The following BTBD8 variants were observed in gnomAD, a reference collection of about 807,000 sequenced individuals.
The protein encoded by BTBD8 is BTB/POZ domain-containing protein 8.
Under a neutral mutation model 162.9 loss-of-function variants are expected in BTBD8, and 110 were observed. That is an observed-to-expected ratio of 0.68 (90% CI 0.58 to 0.79). BTBD8 has a LOEUF of 0.79. Among genes scored for constraint, BTBD8 ranks in the 30% least tolerant of loss-of-function variants. The pLI, the probability that BTBD8 is intolerant of heterozygous loss-of-function variation, is 0.00. For synonymous variants in BTBD8, 667 were observed against 716.1 expected, an observed-to-expected ratio of 0.93 and a Z score of 1.10; for missense variants, 1,905 against 2,085.4, an observed-to-expected ratio of 0.91 and a Z score of 1.68.
At chr1:92,103,831 C>A (rs533691661) in intron 3 of BTBD8, among the ~76,000 whole-genome samples, 53 of 152,292 alleles carry the variant, frequency 3.5e-4, no homozygotes, top group African/African-American at 1.3e-3. Flanking sequence ...TTTTAATCAT[C>A]CTTTAACCAA....
At chr1:92,162,337 A>T (rs1290027408) in intron 9 of BTBD8, among the ~76,000 whole-genome samples, 1 of 152,204 alleles carries the variant, frequency 6.6e-6, no homozygotes, top group East Asian at 1.9e-4. Context: ...AGTGAAAGAG[A>T]GTTCACATCC....
chr1:92,137,927 T>C (rs1649672295), intron 5 of BTBD8, among the ~76,000 whole-genome samples: 1 of 152,220 alleles, frequency 6.6e-6, no homozygotes, highest in African/African-American at 2.4e-5. Flanking sequence ...CAGACTGTTG[T>C]GATCTTCCAT....
chr1:92,140,619 A>G (rs1418856118), intron 6 of BTBD8, among the ~76,000 whole-genome samples: 2 of 152,230 alleles, frequency 1.3e-5, no homozygotes, highest in Non-Finnish European at 2.9e-5. Context: ...TACCTAAAGT[A>G]TGTGTAGGTG....
At position 92,181,291 on chromosome 1, in the gene BTBD8, C is replaced by T. The variant is rs1040167764; in HGVS notation, c.3608C>T (p.Ser1203Leu). 19 of 1,551,272 alleles carry T rather than the reference C, an allele frequency of 1.2e-5. No homozygotes were observed. The highest frequency in any genetic ancestry group is 6.9e-5 in the African/African-American group (5 of 72,986). ...TCAGATGTATCTTCCAAGTGTTTTT[C>T]GGGACAGCTATCAGAAAAAAATTCT... Reference protein sequence around the residue: ...ADSDVSSKCFSGQLSEKNSPK... With the variant: ...ADSDVSSKCFLGQLSEKNSPK... Residue 1203 changes from serine (S) to leucine (L), a missense_variant, in exon 17 of 18, where the codon TCG (serine) becomes TTG (leucine). Around this residue, in one of 3 missense-constraint regions of BTBD8, gnomAD observed 1,374 missense variants for 1,442.7 expected, o/e 0.95. Transcript: ENST00000636805.
chr1:92,097,460 A>G (rs1445831673), intron 2 of BTBD8, among the ~76,000 whole-genome samples: 3 of 152,078 alleles, frequency 2.0e-5, no homozygotes, highest in African/African-American at 4.8e-5. Flanking sequence ...TATATTCACA[A>G]TGTTGTGCCA....
chr1:92,092,949 G>C (rs1648354173), intron 2 of BTBD8, among the ~76,000 whole-genome samples: 1 of 151,988 alleles, frequency 6.6e-6, no homozygotes, highest in Admixed American at 6.5e-5. Flanking sequence ...TATGTGATTG[G>C]CTTATTCATT....
At chr1:92,128,285 T>G (rs1340879995) in intron 4 of BTBD8, among the ~76,000 whole-genome samples, 1 of 137,458 alleles carries the variant, frequency 7.3e-6, no homozygotes, top group Non-Finnish European at 1.5e-5. Context: ...CCTGAATAAT[T>G]TTTTTTTTTT....
chr1:92,181,458 T>A lies in BTBD8; in HGVS notation c.3775T>A (p.Ser1259Thr), dbSNP rs1359141888. The change falls in exon 17 of 18, where the codon TCC becomes ACC. Residue 1259 changes from serine (S) to threonine (T), a missense_variant. Physicochemically the swap from Ser to Thr is moderately conservative, Grantham distance 58 (BLOSUM62 1). Transcript: ENST00000636805. ...ESDTGSATTSSDDIKPRSEDY... is the reference protein window; with the variant it reads ...ESDTGSATTSTDDIKPRSEDY... Reference sequence around the variant, plus strand: ...TGACACTGGCAGTGCTACCACCTCCTCCGATGACATAAAGCCCAGATCTGA... The same window carrying A: ...TGACACTGGCAGTGCTACCACCTCCACCGATGACATAAAGCCCAGATCTGA... The A allele has an allele frequency of 6.4e-7, 1 of 1,551,692 alleles. No homozygotes were observed. The highest frequency in any genetic ancestry group is 2.4e-5 in the East Asian group (1 of 40,914).
chr1:92,171,226 A>T (rs903418470), intron 12 of BTBD8, among the ~76,000 whole-genome samples, 173 bp from the exon 13 acceptor site: 6 of 152,076 alleles, frequency 3.9e-5, no homozygotes, highest in South Asian at 2.1e-4. Context: ...AGGTTCTTTT[A>T]AAAAAATTCT....
chr1:92,104,937 A>AT (rs11430885), intron 3 of BTBD8, among the ~76,000 whole-genome samples: 93,145 of 147,696 alleles, frequency 0.63, 29,555 homozygotes, highest in East Asian at 0.95. Context: ...CCTTATTATT[A>AT]TTTTTTTTTT....
At chr1:92,100,597 T>C (rs1648564366) in intron 2 of BTBD8, among the ~76,000 whole-genome samples, 1 of 152,032 alleles carries the variant, frequency 6.6e-6, no homozygotes, top group Non-Finnish European at 1.5e-5. Context: ...TCTACTTTTT[T>C]GGCATTATTA....
chr1:92,091,640 C>T (rs1178533415), intron 2 of BTBD8, among the ~76,000 whole-genome samples: 1 of 152,056 alleles, frequency 6.6e-6, no homozygotes, highest in Non-Finnish European at 1.5e-5. Context: ...TCGCCATTCT[C>T]CTGCCTCAGC....
intron 1 of BTBD8, among the ~76,000 whole-genome samples, chr1:92,082,914 TTTAC>T (rs1300872298): frequency 2.0e-5 from 3 of 152,196 alleles, no homozygotes; most frequent in Non-Finnish European, 4.4e-5. Context: ...CATGAAATGT[TTTAC>T]TTACTTCTCT....
At position 92,181,180 on chromosome 1, in the gene BTBD8, C is replaced by T. The variant is rs1402170706; in HGVS notation, c.3497C>T (p.Ser1166Leu). The change falls in exon 17 of 18, where the codon TCG becomes TTG. Residue 1166 changes from serine to leucine, a missense_variant. By Grantham distance (145) the Ser-to-Leu change is moderately radical. This residue lies in a region of BTBD8 where 1,374 missense variants were observed against 1,442.7 expected (regional missense o/e 0.95). Coordinates refer to ENST00000636805, the MANE Select transcript of BTBD8 (RefSeq NM_001376131.1). The part of the protein sequence containing the change: ...TLNSAQEDKK[S>L]KVPVEGLTIP... ...AATTCTGCTCAAGAAGACAAAAAAT[C>T]GAAAGTTCCTGTGGAAGGACTGACA... The T allele has an allele frequency of 1.6e-5, 25 of 1,551,502 alleles. No homozygotes were observed. In the East Asian group the frequency reaches 1.7e-4, roughly 11 times the overall value.
chr1:92,088,765 A>G lies in BTBD8; in HGVS notation c.217A>G (p.Lys73Glu), dbSNP rs751817115. 9.3e-6 allele frequency: 15 copies of G among 1,612,998 alleles called. No individual in the cohort carries two copies. The highest frequency in any genetic ancestry group is 1.3e-5 in the Non-Finnish European group (15 of 1,179,404). Residue 73 changes from lysine (K) to glutamate (E), a missense_variant, in exon 2 of 18, where the codon AAA (lysine) becomes GAA (glutamate). This residue lies in a region of BTBD8 where 1,374 missense variants were observed against 1,442.7 expected (regional missense o/e 0.95). Coordinates refer to ENST00000636805, the MANE Select transcript of BTBD8 (RefSeq NM_001376131.1). The part of the protein sequence containing the change: ...SVGCTLFKAH[K>E]AVLLARVPDF... ...GGGTTGTACTTTGTTCAAAGCACAC[A>G]AAGCAGTCCTTTTAGCAAGAGTTCC...
At chr1:92,106,118 C>G (rs1370459856) in intron 3 of BTBD8, among the ~76,000 whole-genome samples, 1 of 152,142 alleles carries the variant, frequency 6.6e-6, no homozygotes, top group African/African-American at 2.4e-5. Context: ...TGAGATTGAC[C>G]AAAACCTTGG....
intron 9 of BTBD8, among the ~76,000 whole-genome samples, chr1:92,163,818 A>C (rs1381751504): frequency 6.6e-6 from 1 of 152,220 alleles, no homozygotes; most frequent in Non-Finnish European, 1.5e-5. Context: ...TGAGTATGGA[A>C]TAAGATCATG....
At chr1:92,158,550 T>C (rs1287544301) in intron 9 of BTBD8, among the ~76,000 whole-genome samples, 2 of 152,200 alleles carry the variant, frequency 1.3e-5, no homozygotes, top group Non-Finnish European at 2.9e-5. Flanking sequence ...CTACCTATAG[T>C]ACATATTCGT....
intron 2 of BTBD8, among the ~76,000 whole-genome samples, chr1:92,092,405 A>G (rs991924938): frequency 4.6e-5 from 7 of 151,812 alleles, no homozygotes; most frequent in South Asian, 4.2e-4. Context: ...AAAAAAAAAA[A>G]AAAAGAAAAG....
Sources: allele counts gnomAD v4.1 joint callset (sites outside exome capture counted in the v4.1 genomes callset), GRCh38; gene constraint gnomAD v4.1.1; regional missense constraint gnomAD v4.1.1; transcripts MANE v1.5; gene names NCBI Gene and HGNC (gene_info 2026-07-23, HGNC 2026-07-21).